Variants in NCR3LG1 observed in about 807,000 individuals in gnomAD.
NCR3LG1 encodes the protein natural killer cell cytotoxicity receptor 3 ligand 1.
A neutral mutation model predicts 34.8 loss-of-function variants in NCR3LG1; 35 were observed. That is an observed-to-expected ratio of 1.01 (90% CI 0.77 to 1.33). The LOEUF (loss-of-function observed/expected upper bound fraction) is 1.33, where lower values mean the gene tolerates loss of function less well. Ranked by LOEUF, NCR3LG1 falls within the 40% of genes most tolerant of loss-of-function variation. The pLI is 0.00. For missense variants in NCR3LG1, 452 were observed against 423.3 expected, an observed-to-expected ratio of 1.07 and a Z score of -0.60; for synonymous variants, 173 against 163.6, an observed-to-expected ratio of 1.06 and a Z score of -0.44.
chr11:17,360,151 G>A (rs764038289), intron 2 of NCR3LG1, among the ~76,000 whole-genome samples: 56 of 152,232 alleles, frequency 3.7e-4, no homozygotes, highest in Admixed American at 9.8e-4. Flanking sequence ...AATGATCTGC[G>A]TGTCTCGGCC....
downstream of NCR3LG1, chr11:17,381,373 A>G (rs1021808026): frequency 2.6e-5 from 4 of 152,620 alleles, no homozygotes; most frequent in Non-Finnish European, 4.4e-5. Context: ...AGTAACTGGA[A>G]TGGCTTTTCC....
intron 2 of NCR3LG1, among the ~76,000 whole-genome samples, chr11:17,363,714 C>T (rs965053922): frequency 1.3e-5 from 2 of 151,938 alleles, no homozygotes; most frequent in South Asian, 2.1e-4. Context: ...CTCCCACCTC[C>T]GCCTTCCAAG....
At position 17,365,229 on chromosome 11, in the gene NCR3LG1, T is replaced by C. The variant is rs1045384526; in HGVS notation, c.422-1780T>C. The stretch of plus-strand genomic sequence containing the variant: ...GGAGCTGGGTTGTGTTTAATGCTTA[T>C]TGTAGCTATAGGTGCCAGAGACTTC... On this transcript the variant is annotated intron_variant, in intron 2 of 4. Transcript: ENST00000338965. Among the ~76,000 whole-genome samples, 11 of 152,330 alleles carry C rather than the reference T, an allele frequency of 7.2e-5. No individual in the cohort carries two copies. In the East Asian group the frequency reaches 2.1e-3, roughly 29 times the overall value.
At chr11:17,359,417 CCT>C (rs1205033514) in intron 2 of NCR3LG1, among the ~76,000 whole-genome samples, 2 of 152,128 alleles carry the variant, frequency 1.3e-5, no homozygotes, top group African/African-American at 4.8e-5. Context: ...TACCCACCAT[CCT>C]CTGTTTATTG....
intron 2 of NCR3LG1, among the ~76,000 whole-genome samples, chr11:17,360,946 G>C (rs1267661014): frequency 1.1e-4 from 16 of 152,028 alleles, no homozygotes. Flanking sequence ...GTGTAGCCCA[G>C]GCTGGTCTGG....
chr11:17,368,183 GCT>G (rs1219041773), intron 3 of NCR3LG1, among the ~76,000 whole-genome samples: 1 of 152,094 alleles, frequency 6.6e-6, no homozygotes, highest in Non-Finnish European at 1.5e-5. Flanking sequence ...TTCTGCAAAT[GCT>G]CAATGCCTTC....
chr11:17,361,576 C>T (rs985685195), intron 2 of NCR3LG1, among the ~76,000 whole-genome samples: 7 of 151,228 alleles, frequency 4.6e-5, no homozygotes, highest in Non-Finnish European at 1.0e-4. Context: ...TGAGCCACCA[C>T]ACCTGGCCAA....
intron 2 of NCR3LG1, among the ~76,000 whole-genome samples, chr11:17,359,191 C>T (rs1953242976): frequency 6.6e-6 from 1 of 152,170 alleles, no homozygotes; most frequent in Admixed American, 6.5e-5. Flanking sequence ...GATTCTAGAC[C>T]CTCTCAGCCA....
intron 2 of NCR3LG1, among the ~76,000 whole-genome samples, chr11:17,363,741 C>T (rs771569143): frequency 9.9e-5 from 15 of 151,822 alleles, no homozygotes; most frequent in Non-Finnish European, 1.9e-4. Flanking sequence ...GGGCCACACG[C>T]GGGTGCCACT....
intron 2 of NCR3LG1, among the ~76,000 whole-genome samples, chr11:17,362,594 G>A (rs1052132692): frequency 2.0e-5 from 3 of 149,754 alleles, no homozygotes; most frequent in African/African-American, 7.4e-5. Flanking sequence ...GAAACCATCC[G>A]AACCTGGTGC....
chr11:17,375,850 C>G lies in NCR3LG1; in HGVS notation c.*3338C>G, dbSNP rs1434281101. The G allele has an allele frequency of 6.6e-6, 1 of 152,118 alleles. No individual in the cohort carries two copies. The highest frequency in any genetic ancestry group is 1.9e-4 in the East Asian group (1 of 5,192). The allele number at this position is 152,118 out of a possible 1,614,324, so 9.4% of individuals were successfully genotyped here. The stretch of plus-strand genomic sequence containing the variant: ...AAGGGAAATAAAGCCTCAGTATTCC[C>G]CTACAGAGATAGAATGGGCCACCTC... On this transcript the variant is annotated 3_prime_UTR_variant, in exon 5 of 5. Coordinates refer to ENST00000338965, the MANE Select transcript of NCR3LG1 (RefSeq NM_001202439.3).
chr11:17,366,235 T>C (rs754898381), intron 2 of NCR3LG1, among the ~76,000 whole-genome samples: 6 of 152,234 alleles, frequency 3.9e-5, no homozygotes, highest in Non-Finnish European at 8.8e-5. Flanking sequence ...ATCTTCAGTA[T>C]GTATCGTCCA....
chr11:17,359,687 T>A (rs923571330), intron 2 of NCR3LG1, among the ~76,000 whole-genome samples: 2 of 151,944 alleles, frequency 1.3e-5, no homozygotes, highest in African/African-American at 4.8e-5. Context: ...AATTTTTGTA[T>A]TTTTAGTAGA....
In NCR3LG1 at chr11:17,356,942, G is replaced by C. The variant is rs760739577; in HGVS notation, c.362G>C (p.Arg121Pro). Residue 121 changes from arginine (R) to proline (P), a missense_variant, in exon 2 of 5, where the codon CGA (arginine) becomes CCA (proline). By Grantham distance (103) the Arg-to-Pro change is moderately radical (BLOSUM62 -2). Coordinates refer to ENST00000338965, the MANE Select transcript of NCR3LG1 (RefSeq NM_001202439.3). ...CAGCTGGAGGAAGCAGGAGAGTACCGATGTGAGGTGGTGGTCACCCCTCTG... is the reference window on the plus strand; with the variant it reads ...CAGCTGGAGGAAGCAGGAGAGTACCCATGTGAGGTGGTGGTCACCCCTCTG... ...GIQLEEAGEYRCEVVVTPLKA... is the reference protein window; with the variant it reads ...GIQLEEAGEYPCEVVVTPLKA... 2 of 1,535,782 alleles carry C rather than the reference G, an allele frequency of 1.3e-6. No homozygotes were observed. Among genetic ancestry groups the C allele is most frequent in the East Asian group, 4.9e-5 (2 of 40,928 alleles).
Position 17,367,217 on chromosome 11 carries a change from T to C in NCR3LG1, c.630T>C (p.Thr210=), listed in dbSNP as rs947485212. Residue 210 remains threonine (T), a synonymous_variant, in exon 3 of 5, where the codon ACT becomes ACC. Coordinates refer to ENST00000338965, the MANE Select transcript of NCR3LG1 (RefSeq NM_001202439.3). ...IKNMDGTFNV[T]SCLKLNSSQE... ...ATATGGATGGCACATTTAATGTCAC[T>C]AGCTGCTTGAAGCTGAACTCCTCTC... is the stretch of plus-strand genomic sequence containing the variant. 2.8e-5 allele frequency: 43 copies of C among 1,536,480 alleles called. No individual in the cohort carries two copies. The highest frequency in any genetic ancestry group is 3.6e-5 in the Non-Finnish European group (41 of 1,146,994).
chr11:17,362,640 T>C (rs1400579607), intron 2 of NCR3LG1, among the ~76,000 whole-genome samples: 5 of 150,534 alleles, frequency 3.3e-5, no homozygotes, highest in African/African-American at 9.7e-5. Context: ...TCTTCTTCTT[T>C]TTTTTTTTTT....
chr11:17,369,016 CT>C, intron 4 of NCR3LG1, 52 bp downstream of exon 4: 1 of 1,225,792 alleles, frequency 8.2e-7, no homozygotes, highest in Non-Finnish European at 1.1e-6. Flanking sequence ...TAGTAAAAAG[CT>C]TTTAGAGCAG....
chr11:17,356,202 A>T (rs1953203211), intron 1 of NCR3LG1, among the ~76,000 whole-genome samples: 1 of 136,776 alleles, frequency 7.3e-6, no homozygotes, highest in African/African-American at 2.8e-5. Context: ...CAGTGGCATG[A>T]TCTCAGCTCA....
intron 2 of NCR3LG1, 145 bp downstream of exon 2, chr11:17,357,146 G>T (rs183665675): frequency 4.9e-6 from 3 of 617,190 alleles, no homozygotes; most frequent in Non-Finnish European, 8.3e-6. Flanking sequence ...GTATTAGTTT[G>T]CTAAGGCTGC....
Sources: gnomAD v4.1 joint callset for allele counts (sites outside exome capture counted in the v4.1 genomes callset) on GRCh38, gnomAD v4.1.1 for gene constraint, MANE v1.5 for transcripts, NCBI Gene and HGNC (gene_info 2026-07-23, HGNC 2026-07-21) for gene names.